RGL1: variants seen among roughly 807,000 people sequenced by gnomAD.
RGL1 encodes ral guanine nucleotide dissociation stimulator like 1.
In RGL1, 24 loss-of-function variants were observed where a neutral mutation model predicts 95.2. The observed-to-expected ratio is 0.25, with a 90% confidence interval of 0.18 to 0.35. The LOEUF is 0.35. Among genes scored for constraint, RGL1 ranks in the 10% least tolerant of loss-of-function variants. The pLI is 1.00. For missense variants in RGL1, 715 were observed against 936.3 expected, an observed-to-expected ratio of 0.76 and a Z score of 3.08; for synonymous variants, 329 against 344.9, an observed-to-expected ratio of 0.95 and a Z score of 0.51.
chr1:183,730,103 T>C (rs1017696582), intron 1 of RGL1, among the ~76,000 whole-genome samples: 1 of 152,312 alleles, frequency 6.6e-6, no homozygotes, highest in Admixed American at 6.5e-5. Flanking sequence ...ACATGAGATA[T>C]GTAAACTATC....
At chr1:183,667,116 A>G (rs1652095472) in intron 1 of RGL1, among the ~76,000 whole-genome samples, 1 of 152,100 alleles carries the variant, frequency 6.6e-6, no homozygotes, top group South Asian at 2.1e-4. Flanking sequence ...ATTCTTGACA[A>G]CTGTCTTTGC....
chr1:183,650,330 T>G (rs1333231657), intron 1 of RGL1, among the ~76,000 whole-genome samples: 1 of 152,070 alleles, frequency 6.6e-6, no homozygotes, highest in Non-Finnish European at 1.5e-5. Context: ...GATCATGAGG[T>G]CAGGAGATGG....
At chr1:183,897,744 TCTTTA>T in intron 9 of RGL1, 59 bp from the exon 10 acceptor site, 15 of 1,241,958 alleles carry the variant, frequency 1.2e-5, no homozygotes, top group Non-Finnish European at 1.8e-5. Context: ...ACTAGATGCC[TCTTTA>T]CTTCTTACCA....
intron 2 of RGL1, among the ~76,000 whole-genome samples, chr1:183,830,480 C>A (rs1295978586): frequency 6.6e-6 from 1 of 152,108 alleles, no homozygotes; most frequent in Non-Finnish European, 1.5e-5. Flanking sequence ...ATTGTGTATT[C>A]ATTTCCTCAG....
At chr1:183,873,698 A>G (rs939506438) in intron 4 of RGL1, among the ~76,000 whole-genome samples, 1 of 152,206 alleles carries the variant, frequency 6.6e-6, no homozygotes, top group African/African-American at 2.4e-5. Context: ...TATTATTCTG[A>G]GATCTTTTGT....
intron 1 of RGL1, among the ~76,000 whole-genome samples, chr1:183,644,804 G>A (rs1460100095): frequency 6.6e-6 from 1 of 152,152 alleles, no homozygotes; most frequent in African/African-American, 2.4e-5. Context: ...AGGATTTGCT[G>A]TCCGATCAGC....
chr1:183,797,877 G>C (rs1660777982), intron 2 of RGL1, among the ~76,000 whole-genome samples: 1 of 152,182 alleles, frequency 6.6e-6, no homozygotes, highest in South Asian at 2.1e-4. Flanking sequence ...CATTTCATAG[G>C]GATATTGGAA....
chr1:183,750,870 G>T (rs371382275), intron 2 of RGL1, among the ~76,000 whole-genome samples: 15 of 152,320 alleles, frequency 9.8e-5, no homozygotes, highest in African/African-American at 3.4e-4. Flanking sequence ...GACTCTGTTT[G>T]TCTGGGTATC....
Position 183,793,533 on chromosome 1 carries a change from C to G in RGL1, c.133-12842C>G, listed in dbSNP as rs945439999. On this transcript the variant is annotated intron_variant, in intron 2 of 18. Transcript: ENST00000304685. The stretch of plus-strand genomic sequence containing the variant: ...TGCAAACTATTCAACTGACAAGGGA[C>G]TAATATCCAGAATATATAAGGAACT... Among the ~76,000 whole-genome samples, 5 of 151,892 alleles carry G rather than the reference C, an allele frequency of 3.3e-5. No individual in the cohort carries two copies. In the East Asian group the frequency reaches 9.6e-4, roughly 29 times the overall value.
chr1:183,778,188 G>A (rs913949884), intron 2 of RGL1, among the ~76,000 whole-genome samples: 2 of 152,222 alleles, frequency 1.3e-5, no homozygotes, highest in Admixed American at 1.3e-4. Flanking sequence ...AAGATCTAAG[G>A]AGACCCTGTT....
intron 2 of RGL1, among the ~76,000 whole-genome samples, chr1:183,846,506 C>T (rs548973732): frequency 6.6e-6 from 1 of 151,708 alleles, no homozygotes; most frequent in African/African-American, 2.4e-5. Flanking sequence ...TGTAACAAAC[C>T]TGCATATGTA....
intron 3 of RGL1, among the ~76,000 whole-genome samples, chr1:183,849,370 T>C (rs1477231858): frequency 6.6e-6 from 1 of 152,202 alleles, no homozygotes; most frequent in Admixed American, 6.5e-5. Flanking sequence ...ATGTAATTCT[T>C]ATTTCAAAAC....
chr1:183,827,334 C>A (rs747958894), intron 2 of RGL1, among the ~76,000 whole-genome samples: 24 of 151,994 alleles, frequency 1.6e-4, no homozygotes, highest in Admixed American at 1.6e-3. Context: ...TTTTTCCAGT[C>A]TCAGAGACCT....
intron 2 of RGL1, among the ~76,000 whole-genome samples, chr1:183,767,811 G>A (rs1659060134): frequency 6.6e-6 from 1 of 152,050 alleles, no homozygotes; most frequent in African/African-American, 2.4e-5. Flanking sequence ...AAATTAGCTG[G>A]GTGTGGTGGT....
chr1:183,764,671 C>A (rs1438699264), intron 2 of RGL1, among the ~76,000 whole-genome samples: 1 of 152,082 alleles, frequency 6.6e-6, no homozygotes, highest in South Asian at 2.1e-4. Flanking sequence ...GTCGATCTTT[C>A]GGGCTGCTTC....
At position 183,805,280 on chromosome 1, in the gene RGL1, C is replaced by T. The variant is rs1341906259; in HGVS notation, c.-18C>T. The T allele has an allele frequency of 1.2e-6, 2 of 1,611,294 alleles. No homozygotes were observed. The highest frequency in any genetic ancestry group is 2.7e-5 in the African/African-American group (2 of 74,936). On this transcript the variant is annotated 5_prime_UTR_variant, in exon 1 of 18. Coordinates refer to ENST00000360851, the MANE Select transcript of RGL1 (RefSeq NM_001297671.3). ...GGGCGCATCATGCAGCGTTCGCGCA[C>T]CGGAGAGAAAACTGAGAATGAAATT...
At chr1:183,752,294 TG>T (rs1301531161) in intron 2 of RGL1, among the ~76,000 whole-genome samples, 5 of 152,062 alleles carry the variant, frequency 3.3e-5, no homozygotes, top group African/African-American at 1.2e-4. Flanking sequence ...TGGCACAATT[TG>T]GGCTCACTGC....
intron 1 of RGL1, among the ~76,000 whole-genome samples, chr1:183,670,199 G>T (rs1572253576): frequency 6.6e-6 from 1 of 152,160 alleles, no homozygotes; most frequent in South Asian, 2.1e-4. Flanking sequence ...ACTTAGAAGG[G>T]GTTGGAATTG....
intron 14 of RGL1, among the ~76,000 whole-genome samples, chr1:183,911,626 C>G (rs991673103): frequency 6.6e-6 from 1 of 152,210 alleles, no homozygotes; most frequent in Non-Finnish European, 1.5e-5. Context: ...TATTTCTTAT[C>G]TAGCTGTTTT....
Sources: gnomAD v4.1 joint callset for allele counts (sites outside exome capture counted in the v4.1 genomes callset) on GRCh38, gnomAD v4.1.1 for gene constraint, MANE v1.5 for transcripts, NCBI Gene and HGNC (gene_info 2026-07-23, HGNC 2026-07-21) for gene names.